The following TYK2 variants were observed in gnomAD, a reference collection of about 807,000 sequenced individuals.
TYK2 encodes non-receptor tyrosine-protein kinase TYK2.
Under a neutral mutation model 130.9 loss-of-function variants are expected in TYK2, and 65 were observed. The ratio of observed to expected loss-of-function variants is 0.50; its 90% confidence interval spans 0.41 to 0.61. The LOEUF (loss-of-function observed/expected upper bound fraction) is 0.61, where lower values mean the gene tolerates loss of function less well. Ranked by LOEUF, TYK2 falls within the 20% of genes least tolerant of loss-of-function variation. The probability of loss-of-function intolerance (pLI) is 0.00; values close to 1 mark genes in which losing one functional copy is unlikely to be tolerated. For missense variants in TYK2, 1,378 were observed against 1,610.7 expected (o/e 0.86, Z 2.47); for synonymous variants, 647 against 658.9 (o/e 0.98, Z 0.28).
intron 16 of TYK2, 26 bp downstream of exon 16, chr19:10,357,977 G>A: frequency 1.2e-6 from 2 of 1,613,482 alleles, no homozygotes; most frequent in East Asian, 2.2e-5. Flanking sequence ...GCCCCCCACT[G>A]TGCCCAGGTC....
rs1258476690 is a variant in TYK2, at chr19:10,350,574, G to A, written c.*260C>T. ...TTATTACCAGATGGTGGAGATGGTG[G>A]GCCTCAAGTTTGGAAGCTGGGGGAT... is the stretch of plus-strand genomic sequence containing the variant. On this transcript the variant is annotated 3_prime_UTR_variant, in exon 25 of 25. Coordinates refer to ENST00000525621, the MANE Select transcript of TYK2 (RefSeq NM_003331.5). 3.1e-5 allele frequency: 16 copies of A among 517,628 alleles called. No individual in the cohort carries two copies. Among genetic ancestry groups the A allele is most frequent in the Non-Finnish European group, 4.6e-5 (13 of 285,680 alleles). The allele number at this position is 517,628 out of a possible 1,614,324, so 32.1% of individuals were successfully genotyped here.
At chr19:10,358,872 G>A (rs2041245212) in intron 15 of TYK2, among the ~76,000 whole-genome samples, 1 of 152,048 alleles carries the variant, frequency 6.6e-6, no homozygotes, top group Non-Finnish European at 1.5e-5. Flanking sequence ...AGACCAGCCT[G>A]ACCAACATGG....
At position 10,374,711 on chromosome 19, in the gene TYK2, C is replaced by T. The variant is rs1038359743; in HGVS notation, c.193+3503G>A. Among the ~76,000 whole-genome samples, 5 of 150,754 alleles carry T rather than the reference C, an allele frequency of 3.3e-5. No homozygotes were observed. In the East Asian group the frequency reaches 5.8e-4, roughly 18 times the overall value. On this transcript the variant is annotated intron_variant, in intron 3 of 24. Coordinates refer to ENST00000525621, the MANE Select transcript of TYK2 (RefSeq NM_003331.5). Reference sequence around the variant, plus strand: ...CAGCCTGACCAACATGGTGAAACCCCGTCTCTACTAAAAATACAAAAATTA... The same window carrying T: ...CAGCCTGACCAACATGGTGAAACCCTGTCTCTACTAAAAATACAAAAATTA...
chr19:10,364,815 G>A lies in TYK2; in HGVS notation c.1209+36C>T. The stretch of plus-strand genomic sequence containing the variant: ...TCAGGTGGGTGTCCTCCCAGGCCAT[G>A]ATGGGCCCTAGCCCAGCCCCTACCC... On this transcript the variant is annotated intron_variant, in intron 8 of 24. Transcript: ENST00000525621. This position sits in a 1 kb window ranked among gnomAD's most constrained non-coding sequence, Gnocchi z 4.9. 1 of 1,613,982 alleles carries A rather than the reference G, an allele frequency of 6.2e-7. No individual in the cohort carries two copies. The highest frequency in any genetic ancestry group is 1.1e-5 in the South Asian group (1 of 91,092).
chr19:10,352,432 A>G lies in TYK2; in HGVS notation c.3318+2T>C. ...CGGTGGGGCTGCGGGCCTGGCTCTC[A>G]CCGTGGGGGGGCTCTGGCTGGAGTC... On this transcript the variant is annotated splice_donor_variant, in intron 23 of 24. Transcript: ENST00000525621. LOFTEE classifies it high-confidence loss of function. 6.2e-7 allele frequency: 1 copy of G among 1,603,294 alleles called. No individual in the cohort carries two copies. Among genetic ancestry groups the G allele is most frequent in the Non-Finnish European group, 8.5e-7 (1 of 1,171,168 alleles).
chr19:10,350,828 T>G lies in TYK2; in HGVS notation c.*6A>C. 6.2e-7 allele frequency: 1 copy of G among 1,613,042 alleles called. No homozygotes were observed. Among genetic ancestry groups the G allele is most frequent in the Non-Finnish European group, 8.5e-7 (1 of 1,180,016 alleles). On this transcript the variant is annotated 3_prime_UTR_variant, in exon 25 of 25. Coordinates refer to ENST00000525621, the MANE Select transcript of TYK2 (RefSeq NM_003331.5). ...CAGTCCTCCCAGGCAGGGCTGCCAT[T>G]GTGCCTCAGCACACGCTGAACACTG...
At chr19:10,377,390 G>A (rs1327344537) in intron 3 of TYK2, among the ~76,000 whole-genome samples, 3 of 118,332 alleles carry the variant, frequency 2.5e-5, no homozygotes, top group African/African-American at 1.1e-4. Context: ...ATGAATAGGT[G>A]GGTGGGTGGG....
intron 3 of TYK2, among the ~76,000 whole-genome samples, chr19:10,372,758 T>C (rs1363837531): frequency 6.6e-6 from 1 of 151,896 alleles, no homozygotes; most frequent in East Asian, 1.9e-4. Flanking sequence ...CCAAAACTGC[T>C]GGGATTGCAG....
intron 9 of TYK2, among the ~76,000 whole-genome samples, chr19:10,363,602 G>A (rs911203756): frequency 6.6e-6 from 1 of 152,148 alleles, no homozygotes; most frequent in South Asian, 2.1e-4. Context: ...CCACTCACAA[G>A]GGTGACACAC....
chr19:10,352,147 C>A (rs1436060628), intron 23 of TYK2, among the ~76,000 whole-genome samples: 4 of 151,934 alleles, frequency 2.6e-5, no homozygotes, highest in African/African-American at 9.7e-5. Flanking sequence ...TCTCGGCTCA[C>A]TGCAAGCTCC....
At chr19:10,373,308 G>A (rs960526277) in intron 3 of TYK2, among the ~76,000 whole-genome samples, 1 of 151,760 alleles carries the variant, frequency 6.6e-6, no homozygotes, top group African/African-American at 2.4e-5. Flanking sequence ...TAAGCGCAAG[G>A]ATTACAAGTG....
intron 18 of TYK2, 57 bp downstream of exon 18, chr19:10,356,511 C>T: frequency 6.2e-7 from 1 of 1,605,318 alleles, no homozygotes. Flanking sequence ...AGGCATACAG[C>T]AGGGATCCCA....
intron 18 of TYK2, 44 bp from the exon 19 acceptor site, chr19:10,354,653 C>T (rs777169705): frequency 1.3e-6 from 2 of 1,513,830 alleles, no homozygotes; most frequent in Non-Finnish European, 1.8e-6. Context: ...CGATCCTTTC[C>T]CCAGCAGGCC....
intron 3 of TYK2, among the ~76,000 whole-genome samples, chr19:10,372,481 TA>T (rs1418260902): frequency 0.033 from 2,176 of 65,420 alleles, 75 homozygotes; most frequent in Non-Finnish European, 0.049. Context: ...TATATATATA[TA>T]TATTTTTTTT....
chr19:10,351,241 C>T (rs1048270241), intron 23 of TYK2, 79 bp from the exon 24 acceptor site: 5 of 1,156,926 alleles, frequency 4.3e-6, no homozygotes, highest in Admixed American at 1.9e-5. Context: ...AATCCCAGCA[C>T]TTTGGAAGGC....
At chr19:10,373,354 G>A (rs977625798) in intron 3 of TYK2, among the ~76,000 whole-genome samples, 2 of 146,828 alleles carry the variant, frequency 1.4e-5, no homozygotes, top group Non-Finnish European at 3.0e-5. Context: ...TCATATTTTT[G>A]TTTTTTGAGA....
Position 10,359,406 on chromosome 19 carries a change from G to A in TYK2, c.2048-104C>T, listed in dbSNP as rs1437450133. 17 of 1,410,236 alleles carry A rather than the reference G, an allele frequency of 1.2e-5. No individual in the cohort carries two copies. The African/African-American group carries it at 1.8e-4, about 15-fold the overall frequency. The allele number at this position is 1,410,236 out of a possible 1,614,324, so 87.4% of individuals were successfully genotyped here. The stretch of plus-strand genomic sequence containing the variant: ...GAGGGACTTGGCATGTGGCTGGGGA[G>A]GTGTCAGGGCAGAGGTGTGGGTGGA... On this transcript the variant is annotated intron_variant, in intron 14 of 24. Transcript: ENST00000525621.
chr19:10,377,551 G>C (rs1224037922), intron 3 of TYK2, among the ~76,000 whole-genome samples: 8 of 123,754 alleles, frequency 6.5e-5, no homozygotes, highest in East Asian at 2.7e-4. Context: ...TGGATGGGTG[G>C]GTGGGTGGAT....
At chr19:10,371,142 T>C (rs1337082835) in intron 3 of TYK2, among the ~76,000 whole-genome samples, 1 of 151,508 alleles carries the variant, frequency 6.6e-6, no homozygotes, top group Non-Finnish European at 1.5e-5. Context: ...ATTTTTGTAG[T>C]TTTTGTAGAG....
Sources: allele counts gnomAD v4.1 joint callset (sites outside exome capture counted in the v4.1 genomes callset), GRCh38; gene constraint gnomAD v4.1.1; non-coding constraint Gnocchi (gnomAD v3.1); transcripts MANE v1.5; gene names NCBI Gene and HGNC (gene_info 2026-07-23, HGNC 2026-07-21).